The following SNX29 variants were observed in gnomAD, a reference collection of about 807,000 sequenced individuals.
SNX29 encodes the protein sorting nexin-29.
A neutral mutation model predicts 102.1 loss-of-function variants in SNX29; 78 were observed. The ratio of observed to expected loss-of-function variants is 0.76; its 90% confidence interval spans 0.64 to 0.92. The LOEUF is 0.92. SNX29 is among the 40% of genes least tolerant of loss of function. SNX29 has a pLI of 0.00. For missense variants in SNX29, 1,280 were observed against 1,061.7 expected (o/e 1.21, Z -2.86); for synonymous variants, 580 against 414.5 (o/e 1.40, Z -4.85).
At chr16:12,134,638 G>A (rs1034157268) in intron 13 of SNX29, among the ~76,000 whole-genome samples, 1 of 152,172 alleles carries the variant, frequency 6.6e-6, no homozygotes, top group African/African-American at 2.4e-5. Flanking sequence ...CCTTGGAGGT[G>A]ACACATGATT....
chr16:12,404,888 G>A (rs770864319), intron 18 of SNX29, among the ~76,000 whole-genome samples: 12 of 152,254 alleles, frequency 7.9e-5, no homozygotes, highest in Non-Finnish European at 1.5e-4. Context: ...AGCATAATAT[G>A]CACATCTTAC....
In SNX29 at chr16:12,571,443, A is replaced by C; in HGVS notation, c.*2814A>C. The C allele has an allele frequency of 4.2e-6, 1 of 238,626 alleles. No individual in the cohort carries two copies. The highest frequency in any genetic ancestry group is 8.1e-6 in the Non-Finnish European group (1 of 123,590). The allele number at this position is 238,626 out of a possible 1,614,324, so 14.8% of individuals were successfully genotyped here. A position where few individuals can be genotyped will look rare whatever the true frequency, so the allele number is the denominator to read the frequency against. Reference sequence around the variant, plus strand: ...CTTCTAAGATTACTCGGAGATTTTCAAACAACATCTGAGAACAGAAGCCCC... The same window carrying C: ...CTTCTAAGATTACTCGGAGATTTTCCAACAACATCTGAGAACAGAAGCCCC... On this transcript the variant is annotated 3_prime_UTR_variant, in exon 21 of 21. Transcript: ENST00000566228.
intron 19 of SNX29, among the ~76,000 whole-genome samples, chr16:12,516,955 A>T (rs1295042911): frequency 6.6e-6 from 1 of 152,222 alleles, no homozygotes; most frequent in African/African-American, 2.4e-5. Flanking sequence ...ATTTGATGAT[A>T]ACTTTATCTT....
At chr16:12,347,430 A>T (rs1317409763) in intron 15 of SNX29, among the ~76,000 whole-genome samples, 4 of 152,092 alleles carry the variant, frequency 2.6e-5, no homozygotes, top group African/African-American at 9.7e-5. Flanking sequence ...AAGAAACAGG[A>T]GAGACTCCAA....
chr16:12,160,782 C>T (rs2055750149), intron 13 of SNX29, among the ~76,000 whole-genome samples: 1 of 152,200 alleles, frequency 6.6e-6, no homozygotes, highest in Non-Finnish European at 1.5e-5. Flanking sequence ...ACAGCTACTA[C>T]TGAGCACTTA....
intron 20 of SNX29, chr16:12,526,716 T>C (rs1041059916): frequency 2.1e-6 from 1 of 481,752 alleles, no homozygotes; most frequent in African/African-American, 1.9e-5. Flanking sequence ...CAGTTGTTCC[T>C]AAGATACTCC....
At chr16:12,482,013 A>C (rs562194937) in intron 19 of SNX29, among the ~76,000 whole-genome samples, 1 of 152,300 alleles carries the variant, frequency 6.6e-6, no homozygotes, top group East Asian at 1.9e-4. Flanking sequence ...AACAGGGGCC[A>C]CTGGTGAATT....
intron 18 of SNX29, among the ~76,000 whole-genome samples, chr16:12,469,688 G>C (rs1252146292): frequency 6.6e-6 from 1 of 152,162 alleles, no homozygotes; most frequent in African/African-American, 2.4e-5. Context: ...TTTCTTAGTT[G>C]CTCCAGGTTT....
chr16:12,192,587 C>T (rs1029666213), intron 13 of SNX29, among the ~76,000 whole-genome samples: 4 of 152,248 alleles, frequency 2.6e-5, no homozygotes, highest in African/African-American at 9.6e-5. Context: ...TCACAGCTCA[C>T]TGCAGCCTGC....
At position 12,068,958 on chromosome 16, in the gene SNX29, G is replaced by C. The variant is rs76722208; in HGVS notation, c.1244-99G>C. On this transcript the variant is annotated intron_variant, in intron 9 of 20. Coordinates refer to ENST00000566228, the MANE Select transcript of SNX29 (RefSeq NM_032167.5). ...ATGGAGAAAAATTTCTTAGTCAAGT[G>C]ATGTAGCAGATGAGCCAATGTCTGC... 1,007 of 1,112,740 alleles carry C rather than the reference G, an allele frequency of 9.0e-4. 7 individuals are homozygous for C. In the East Asian group the frequency reaches 0.022, roughly 24 times the overall value. 68.9% of individuals were successfully genotyped at this position (1,112,740 alleles called of 1,614,324 possible).
intron 19 of SNX29, among the ~76,000 whole-genome samples, chr16:12,507,011 G>T (rs976095116): frequency 6.6e-6 from 1 of 152,200 alleles, no homozygotes; most frequent in South Asian, 2.1e-4. Context: ...GAAAATTATT[G>T]TACTGAACCT....
At chr16:12,408,462 G>A (rs2084263560) in intron 18 of SNX29, among the ~76,000 whole-genome samples, 1 of 152,264 alleles carries the variant, frequency 6.6e-6, no homozygotes, top group African/African-American at 2.4e-5. Context: ...TGGCCGTCCA[G>A]TATCTCAGGA....
intron 14 of SNX29, among the ~76,000 whole-genome samples, chr16:12,232,915 G>A (rs11862982): frequency 1.6e-3 from 249 of 152,332 alleles, no homozygotes; most frequent in African/African-American, 4.4e-3. Context: ...GGGGCATGGA[G>A]GCTGGTTGGG....
At chr16:12,430,203 C>G (rs368675829) in intron 18 of SNX29, among the ~76,000 whole-genome samples, 76 of 152,350 alleles carry the variant, frequency 5.0e-4, no homozygotes, top group Non-Finnish European at 7.8e-4. Flanking sequence ...TCAGTTCCCC[C>G]CCCAGCCCCA....
At chr16:12,090,601 C>T (rs2052478807) in intron 11 of SNX29, among the ~76,000 whole-genome samples, 1 of 152,174 alleles carries the variant, frequency 6.6e-6, no homozygotes, top group Non-Finnish European at 1.5e-5. Flanking sequence ...AGGATGCTGC[C>T]TGGTTTCCCA....
intron 16 of SNX29, among the ~76,000 whole-genome samples, chr16:12,383,108 C>T (rs1170069971): frequency 1.3e-5 from 2 of 152,170 alleles, no homozygotes; most frequent in Non-Finnish European, 2.9e-5. Context: ...AAGACATTCT[C>T]AATATAAGCC....
chr16:12,431,434 C>CTTCTTCTTCTTCTTCTT (rs779738786), intron 18 of SNX29, among the ~76,000 whole-genome samples: 1 of 136,952 alleles, frequency 7.3e-6, no homozygotes, highest in East Asian at 2.1e-4. Context: ...TCTTCTTCTT[C>CTTCTTCTTCTTCTTCTT]TTTTTTTTTT....
At chr16:12,515,709 T>C (rs147902955) in intron 19 of SNX29, 4 of 446,088 alleles carry the variant, frequency 9.0e-6, no homozygotes. Context: ...TTGGCTCTAC[T>C]GGATCTAAGC....
rs139361563 is a variant in SNX29, at chr16:12,115,681, C to T, written c.1403-10952C>T. ...AAGAATGGGTAGGCTCCACTATGCA[C>T]GGTTTCACATTTATCTGGAGCCATC... On this transcript the variant is annotated intron_variant, in intron 11 of 20. Coordinates refer to ENST00000566228, the MANE Select transcript of SNX29 (RefSeq NM_032167.5). Among the ~76,000 whole-genome samples, 505 of 152,320 alleles carry T rather than the reference C, an allele frequency of 3.3e-3. 3 individuals are homozygous for T. The highest frequency in any genetic ancestry group is 0.011 in the African/African-American group (471 of 41,560).
Sources: allele counts gnomAD v4.1 joint callset (sites outside exome capture counted in the v4.1 genomes callset), GRCh38; gene constraint gnomAD v4.1.1; transcripts MANE v1.5; gene names NCBI Gene and HGNC (gene_info 2026-07-23, HGNC 2026-07-21).